ITSN1: variants seen among roughly 807,000 people sequenced by gnomAD.
ITSN1 encodes intersectin 1.
ITSN1 carries 58 observed loss-of-function variants against 239.8 expected under a neutral mutation model. The observed-to-expected ratio is 0.24, with a 90% CI of 0.20 to 0.30. ITSN1 has a LOEUF of 0.30. ITSN1 is among the 10% of genes least tolerant of loss of function. The pLI, the probability that ITSN1 is intolerant of heterozygous loss-of-function variation, is 1.00. For synonymous variants in ITSN1, 780 were observed against 770.8 expected, an observed-to-expected ratio of 1.01 and a Z score of -0.20; for missense variants, 1,558 against 2,103.3, an observed-to-expected ratio of 0.74 and a Z score of 5.07.
intron 1 of ITSN1, among the ~76,000 whole-genome samples, chr21:33,715,456 C>T (rs2065079086): frequency 6.6e-6 from 1 of 152,190 alleles, no homozygotes; most frequent in South Asian, 2.1e-4. Context: ...CATTTAAAAT[C>T]CAGAGCTTAC....
chr21:33,880,098 A>C (rs1295268600), intron 34 of ITSN1, among the ~76,000 whole-genome samples: 1 of 152,140 alleles, frequency 6.6e-6, no homozygotes, highest in Non-Finnish European at 1.5e-5. Context: ...GATGATGTTC[A>C]TGGTGATGGG....
At chr21:33,666,322 A>G (rs114666355) in intron 1 of ITSN1, among the ~76,000 whole-genome samples, 3,784 of 152,258 alleles carry the variant, frequency 0.025, 168 homozygotes, top group African/African-American at 0.085. Context: ...TAGGATTTCT[A>G]TTTGGGGTGA....
At chr21:33,724,096 T>TG (rs2065670258) in intron 4 of ITSN1, among the ~76,000 whole-genome samples, 4 of 120,276 alleles carry the variant, frequency 3.3e-5, no homozygotes, top group South Asian at 5.4e-4. Context: ...TGTGTGTGTG[T>TG]TTGTGTGTGT....
At chr21:33,875,894 G>A (rs1359885726) in intron 34 of ITSN1, among the ~76,000 whole-genome samples, 1 of 152,158 alleles carries the variant, frequency 6.6e-6, no homozygotes, top group Non-Finnish European at 1.5e-5. Flanking sequence ...TGGCCAGGCT[G>A]GTCTTGAACT....
chr21:33,655,477 G>A (rs2088965536), intron 1 of ITSN1, among the ~76,000 whole-genome samples: 1 of 151,856 alleles, frequency 6.6e-6, no homozygotes, highest in Non-Finnish European at 1.5e-5. Context: ...GGAGTGTGCA[G>A]CGGTGCAATC....
At chr21:33,855,615 G>A (rs1465000647) in intron 29 of ITSN1, among the ~76,000 whole-genome samples, 1 of 152,256 alleles carries the variant, frequency 6.6e-6, no homozygotes, top group Non-Finnish European at 1.5e-5. Context: ...TGTGTCTGGG[G>A]CAGGAGGCTC....
At position 33,750,231 on chromosome 21, in the gene ITSN1, C is replaced by A; in HGVS notation, c.435C>A (p.Thr145=). The A allele has an allele frequency of 6.2e-7, 1 of 1,614,066 alleles. No individual in the cohort carries two copies. Among genetic ancestry groups the A allele is most frequent in the Non-Finnish European group, 8.5e-7 (1 of 1,179,966 alleles). ...TTCCAGTTGTTGGAATGTCTCCAACCCTAGTATCTTCTGTTCCCACAGCAG... is the reference window on the plus strand; with the variant it reads ...TTCCAGTTGTTGGAATGTCTCCAACACTAGTATCTTCTGTTCCCACAGCAG... The part of the protein sequence containing the change: ...GSIPVVGMSP[T]LVSSVPTAAV... The change falls in exon 6 of 40, where the codon ACC becomes ACA. Residue 145 remains threonine, a synonymous_variant. Coordinates refer to ENST00000381318, the MANE Select transcript of ITSN1 (RefSeq NM_003024.3).
Position 33,794,367 on chromosome 21 carries a change from A to G in ITSN1, c.1851A>G (p.Gln617=), listed in dbSNP as rs1310784835. ...LKELREIHNK[Q]QLQKQKSMEA... ...AACTAAGAGAAATACACAATAAGCAACAACTCCAGAAGCAAAAGTCCATGG... is the reference window on the plus strand; with the variant it reads ...AACTAAGAGAAATACACAATAAGCAGCAACTCCAGAAGCAAAAGTCCATGG... The change falls in exon 17 of 40, where the codon CAA becomes CAG. Residue 617 remains glutamine (Q), a synonymous_variant. Coordinates refer to ENST00000381318, the MANE Select transcript of ITSN1 (RefSeq NM_003024.3). 1 of 1,613,658 alleles carries G rather than the reference A, an allele frequency of 6.2e-7. No homozygotes were observed. Among genetic ancestry groups the G allele is most frequent in the Non-Finnish European group, 8.5e-7 (1 of 1,179,850 alleles).
intron 1 of ITSN1, among the ~76,000 whole-genome samples, chr21:33,677,886 C>T (rs1328706816): frequency 6.6e-6 from 1 of 152,214 alleles, no homozygotes; most frequent in African/African-American, 2.4e-5. Flanking sequence ...CCACCACTGT[C>T]TCTCATGTGG....
intron 22 of ITSN1, 109 bp from the exon 23 acceptor site, chr21:33,818,158 T>G (rs1602419403): frequency 2.5e-6 from 2 of 813,906 alleles, no homozygotes; most frequent in Non-Finnish European, 2.0e-6. Flanking sequence ...TTTGTGGCTG[T>G]GTGTGCTTGT....
chr21:33,875,597 A>C (rs1983598867), intron 34 of ITSN1, 76 bp downstream of exon 34: 1 of 1,411,340 alleles, frequency 7.1e-7, no homozygotes, highest in African/African-American at 1.4e-5. Context: ...GACAAAGAAA[A>C]GCATGAACCA....
chr21:33,843,020 G>A (rs544428264), intron 29 of ITSN1, among the ~76,000 whole-genome samples: 3 of 152,256 alleles, frequency 2.0e-5, no homozygotes, highest in African/African-American at 7.2e-5. Context: ...GTGAGGAAAG[G>A]CCTGGGCTGC....
Position 33,899,258 on chromosome 21 carries a change from T to C in ITSN1, c.*10958T>C, listed in dbSNP as rs1986961130. ...AACCCTCCCAGATAGCCTTTGCCTG[T>C]TTGGAAAAGAATGTAATCCATCAGA... is the stretch of plus-strand genomic sequence containing the variant. On this transcript the variant is annotated 3_prime_UTR_variant, in exon 40 of 40. Coordinates refer to ENST00000381318, the MANE Select transcript of ITSN1 (RefSeq NM_003024.3). The C allele has an allele frequency of 6.6e-6, 1 of 152,172 alleles. No individual in the cohort carries two copies. The highest frequency in any genetic ancestry group is 6.5e-5 in the Admixed American group (1 of 15,278). 9.4% of individuals were successfully genotyped at this position (152,172 alleles called of 1,614,324 possible).
Position 33,728,435 on chromosome 21 carries a change from G to A in ITSN1, c.185+5784G>A, listed in dbSNP as rs528100250. Among the ~76,000 whole-genome samples the A allele has an allele frequency of 5.9e-5, 9 of 151,280 alleles. No homozygotes were observed. In the East Asian group the frequency reaches 1.8e-3, roughly 30 times the overall value. ...TTTAGTAGCAGGGTTTCACCATGTT[G>A]GGCAGGATGGTCTGGATCTCCTGAC... is the stretch of plus-strand genomic sequence containing the variant. On this transcript the variant is annotated intron_variant, in intron 4 of 39. Coordinates refer to ENST00000381318, the MANE Select transcript of ITSN1 (RefSeq NM_003024.3).
intron 7 of ITSN1, among the ~76,000 whole-genome samples, chr21:33,754,998 T>A (rs2067813576): frequency 6.6e-6 from 1 of 152,216 alleles, no homozygotes; most frequent in Non-Finnish European, 1.5e-5. Flanking sequence ...ACAAGAGGTT[T>A]TTCATACTTT....
chr21:33,760,774 C>G (rs2068260209), intron 8 of ITSN1, among the ~76,000 whole-genome samples: 1 of 152,178 alleles, frequency 6.6e-6, no homozygotes, highest in African/African-American at 2.4e-5. Context: ...AACATATACA[C>G]CAGAATCTTC....
chr21:33,677,080 C>T (rs2090638460), intron 1 of ITSN1, among the ~76,000 whole-genome samples: 1 of 151,924 alleles, frequency 6.6e-6, no homozygotes, highest in African/African-American at 2.4e-5. Context: ...GGGTGCAGCA[C>T]ACCAACATGG....
At chr21:33,777,176 T>C (rs1313594943) in intron 14 of ITSN1, among the ~76,000 whole-genome samples, 1 of 152,232 alleles carries the variant, frequency 6.6e-6, no homozygotes, top group Admixed American at 6.5e-5. Context: ...TTGAGGTTTA[T>C]ATTTTTACAT....
intron 33 of ITSN1, among the ~76,000 whole-genome samples, chr21:33,871,021 C>T (rs1982609977): frequency 3.3e-5 from 5 of 152,140 alleles, no homozygotes; most frequent in African/African-American, 9.6e-5. Context: ...ATCCCAGCTG[C>T]TCGAGAGGCT....
Sources: allele counts gnomAD v4.1 joint callset (sites outside exome capture counted in the v4.1 genomes callset), GRCh38; gene constraint gnomAD v4.1.1; transcripts MANE v1.5; gene names NCBI Gene and HGNC (gene_info 2026-07-23, HGNC 2026-07-21).